MYO3B: variants seen among roughly 807,000 people sequenced by gnomAD.
MYO3B encodes myosin IIIB.
MYO3B carries 156 observed loss-of-function variants against 174.6 expected under a neutral mutation model. That is an observed-to-expected ratio of 0.89 (90% CI 0.78 to 1.02). MYO3B has a LOEUF of 1.02. Ranked by LOEUF, MYO3B falls within the 50% of genes least tolerant of loss-of-function variation. The pLI, the probability that MYO3B is intolerant of heterozygous loss-of-function variation, is 0.00. For missense variants in MYO3B, 1,632 were observed against 1,639.4 expected (o/e 1.00, Z 0.08); for synonymous variants, 563 against 569.1 (o/e 0.99, Z 0.15).
At chr2:170,302,874 A>G (rs773401489) in intron 7 of MYO3B, among the ~76,000 whole-genome samples, 1 of 152,214 alleles carries the variant, frequency 6.6e-6, no homozygotes, top group Non-Finnish European at 1.5e-5. Flanking sequence ...TGATGCAGCT[A>G]CAAAGAGAAG....
intron 9 of MYO3B, among the ~76,000 whole-genome samples, chr2:170,376,944 GTTC>G (rs1421259524): frequency 6.6e-6 from 1 of 152,168 alleles, no homozygotes; most frequent in African/African-American, 2.4e-5. Context: ...TCTATTACTT[GTTC>G]TTCATCATAG....
chr2:170,399,320 C>T (rs556727032), intron 16 of MYO3B, among the ~76,000 whole-genome samples: 1 of 136,382 alleles, frequency 7.3e-6, no homozygotes, highest in East Asian at 2.4e-4. Context: ...TAAAAAATAC[C>T]AAAAAGAGCT....
intron 7 of MYO3B, among the ~76,000 whole-genome samples, chr2:170,310,429 G>T (rs990875134): frequency 1.3e-5 from 2 of 152,092 alleles, no homozygotes; most frequent in African/African-American, 4.8e-5. Context: ...TTGCGAGACC[G>T]AGGCGGGCGG....
At chr2:170,294,162 C>T (rs1439010544) in intron 7 of MYO3B, among the ~76,000 whole-genome samples, 1 of 151,998 alleles carries the variant, frequency 6.6e-6, no homozygotes, top group Non-Finnish European at 1.5e-5. Flanking sequence ...GCTCAATCAA[C>T]TTTATTCTTT....
intron 29 of MYO3B, among the ~76,000 whole-genome samples, chr2:170,516,662 G>C (rs893360278): frequency 6.8e-6 from 1 of 147,678 alleles, no homozygotes; most frequent in Non-Finnish European, 1.5e-5. Context: ...AAAAAAAAAT[G>C]TGAATGGCTT....
At chr2:170,567,219 T>C (rs1403197904) in intron 32 of MYO3B, among the ~76,000 whole-genome samples, 1 of 152,212 alleles carries the variant, frequency 6.6e-6, no homozygotes, top group African/African-American at 2.4e-5. Flanking sequence ...AGTTCTAAAC[T>C]TAAAATACCA....
Position 170,514,939 on chromosome 2 carries a change from G to C in MYO3B, c.3389G>C (p.Ser1130Thr). 1 of 1,613,934 alleles carries C rather than the reference G, an allele frequency of 6.2e-7. No individual in the cohort carries two copies. Among genetic ancestry groups the C allele is most frequent in the Non-Finnish European group, 8.5e-7 (1 of 1,179,920 alleles). ...TCCACAGGGGACACTTCAAACCAAA[G>C]CAGTGGGCCACATTCCCCCGTCGCA... ...HNQAGDTSNQSSGPHSPVAAG... is the reference protein window; with the variant it reads ...HNQAGDTSNQTSGPHSPVAAG... The change falls in exon 29 of 35, where the codon AGC (serine) becomes ACC (threonine). Residue 1130 changes from serine (S) to threonine (T), a missense_variant. Ser to Thr is a moderately conservative substitution (Grantham distance 58). Coordinates refer to ENST00000408978, the MANE Select transcript of MYO3B (RefSeq NM_138995.5).
At chr2:170,343,044 C>T (rs2093988330) in intron 8 of MYO3B, among the ~76,000 whole-genome samples, 1 of 131,276 alleles carries the variant, frequency 7.6e-6, no homozygotes, top group Non-Finnish European at 1.6e-5. Context: ...CACACACACA[C>T]ACACACACAC....
intron 32 of MYO3B, among the ~76,000 whole-genome samples, chr2:170,627,535 CCTT>C (rs1316899766): frequency 2.0e-5 from 3 of 152,340 alleles, no homozygotes; most frequent in Admixed American, 1.3e-4. Flanking sequence ...TCATCTGAAG[CCTT>C]CTTCTCTCAA....
At chr2:170,388,350 G>A (rs1350637041) in intron 14 of MYO3B, among the ~76,000 whole-genome samples, 1 of 152,130 alleles carries the variant, frequency 6.6e-6, no homozygotes, top group Admixed American at 6.5e-5. Context: ...TGCTATTAAG[G>A]TGAAACGAGA....
chr2:170,577,442 C>T (rs915568416), intron 32 of MYO3B, among the ~76,000 whole-genome samples: 1 of 152,124 alleles, frequency 6.6e-6, no homozygotes, highest in African/African-American at 2.4e-5. Flanking sequence ...TATAAACCAG[C>T]TTATATTGAC....
chr2:170,456,724 C>T (rs1683929739), intron 23 of MYO3B, among the ~76,000 whole-genome samples: 1 of 152,180 alleles, frequency 6.6e-6, no homozygotes, highest in African/African-American at 2.4e-5. Flanking sequence ...GGAAGGAGAA[C>T]TAATGTTATT....
At chr2:170,393,169 T>G (rs1429843367) in intron 16 of MYO3B, among the ~76,000 whole-genome samples, 2 of 151,484 alleles carry the variant, frequency 1.3e-5, no homozygotes, top group Admixed American at 1.3e-4. Flanking sequence ...CTGCAACTTC[T>G]GTCTCCTGGC....
chr2:170,644,388 A>G (rs7574583), intron 32 of MYO3B: 57,893 of 151,846 alleles, frequency 0.38, 12,438 homozygotes, highest in African/African-American at 0.6. Flanking sequence ...CCAGGTTCAA[A>G]TGATTCTCCT....
intron 32 of MYO3B, among the ~76,000 whole-genome samples, chr2:170,581,464 GATTTTA>G (rs930667775): frequency 4.5e-4 from 69 of 152,142 alleles, no homozygotes; most frequent in Middle Eastern, 6.8e-3. Context: ...TTGAACAGAT[GATTTTA>G]ATTTTAACAG....
In MYO3B at chr2:170,178,196, G is replaced by A; in HGVS notation, c.-92G>A. 6.6e-7 allele frequency: 1 copy of A among 1,511,246 alleles called. No individual in the cohort carries two copies. Among genetic ancestry groups the A allele is most frequent in the Non-Finnish European group, 9.2e-7 (1 of 1,086,382 alleles). The allele number at this position is 1,511,246 out of a possible 1,614,324, so 93.6% of individuals were successfully genotyped here. Reference sequence around the variant, plus strand: ...TGTGTCATACATTCTAGTCATCAAAGACACCATTTTCTGGGCCTGAAGTGT... The same window carrying A: ...TGTGTCATACATTCTAGTCATCAAAAACACCATTTTCTGGGCCTGAAGTGT... On this transcript the variant is annotated 5_prime_UTR_variant, in exon 1 of 35. Coordinates refer to ENST00000408978, the MANE Select transcript of MYO3B (RefSeq NM_138995.5).
chr2:170,456,545 A>G (rs1683920281), intron 23 of MYO3B, among the ~76,000 whole-genome samples: 1 of 152,202 alleles, frequency 6.6e-6, no homozygotes, highest in Non-Finnish European at 1.5e-5. Flanking sequence ...AACATGGGGT[A>G]TATGTTTCTG....
chr2:170,559,184 G>T (rs1212226054), intron 32 of MYO3B, among the ~76,000 whole-genome samples: 8 of 152,166 alleles, frequency 5.3e-5, no homozygotes, highest in Admixed American at 5.2e-4. Flanking sequence ...CCAGAGCTGG[G>T]CTTTAGGGAG....
rs1380156962 is a variant in MYO3B, at chr2:170,391,537, A to G, written c.1595A>G (p.His532Arg). ...IKQAAREKNF[H>R]IFYYIYAGLH... ...TTTTTCAGGAGAGAGAAAAATTTTCATATATTTTACTATATTTATGCTGGT... is the reference window on the plus strand; with the variant it reads ...TTTTTCAGGAGAGAGAAAAATTTTCGTATATTTTACTATATTTATGCTGGT... Residue 532 changes from histidine (H) to arginine (R), a missense_variant, in exon 15 of 35, where the codon CAT (histidine) becomes CGT (arginine). Coordinates refer to ENST00000408978, the MANE Select transcript of MYO3B (RefSeq NM_138995.5). 6.6e-7 allele frequency: 1 copy of G among 1,520,002 alleles called. No individual in the cohort carries two copies. Among genetic ancestry groups the G allele is most frequent in the African/African-American group, 1.4e-5 (1 of 69,954 alleles). The allele number at this position is 1,520,002 out of a possible 1,614,324, so 94.2% of individuals were successfully genotyped here.
Sources: allele counts gnomAD v4.1 joint callset (sites outside exome capture counted in the v4.1 genomes callset), GRCh38; gene constraint gnomAD v4.1.1; transcripts MANE v1.5; gene names NCBI Gene and HGNC (gene_info 2026-07-23, HGNC 2026-07-21).